Variants in GPATCH2 observed in about 807,000 individuals in gnomAD.
GPATCH2 encodes the protein G-patch domain containing 2.
Under a neutral mutation model 58.0 loss-of-function variants are expected in GPATCH2, and 51 were observed. That is an observed-to-expected ratio of 0.88 (90% CI 0.70 to 1.11). The LOEUF is 1.11. Among genes scored for constraint, GPATCH2 ranks in the 50% most tolerant of loss-of-function variants. GPATCH2 has a pLI of 0.00. For synonymous variants in GPATCH2, 222 were observed against 218.5 expected (o/e 1.02, Z -0.14); for missense variants, 625 against 652.2 (o/e 0.96, Z 0.45).
chr1:217,623,442 G>A (rs1280773023), intron 1 of GPATCH2, among the ~76,000 whole-genome samples: 11 of 151,754 alleles, frequency 7.2e-5, no homozygotes, highest in East Asian at 1.9e-4. Context: ...AACCAATAGA[G>A]TTTAATAAAA....
intron 5 of GPATCH2, among the ~76,000 whole-genome samples, chr1:217,563,374 C>T (rs1176143484): frequency 6.6e-6 from 1 of 152,126 alleles, no homozygotes; most frequent in Non-Finnish European, 1.5e-5. Flanking sequence ...GCTGCCTCCT[C>T]ATGGACTGAG....
intron 9 of GPATCH2, among the ~76,000 whole-genome samples, chr1:217,433,624 C>T (rs1310890514): frequency 1.3e-5 from 2 of 152,018 alleles, no homozygotes; most frequent in East Asian, 1.9e-4. Context: ...TTGAACTCCT[C>T]ACCTCAGGTG....
At chr1:217,624,050 C>T (rs555091450) in intron 1 of GPATCH2, among the ~76,000 whole-genome samples, 1 of 152,168 alleles carries the variant, frequency 6.6e-6, no homozygotes, top group African/African-American at 2.4e-5. Context: ...CCTATAAAAA[C>T]CCAGAAAAAA....
intron 5 of GPATCH2, chr1:217,609,165 TTA>T (rs1668504794): frequency 1.0e-6 from 1 of 972,432 alleles, no homozygotes; most frequent in African/African-American, 1.8e-5. Context: ...GCTGAACTTA[TTA>T]TAGTGTCTAA....
intron 7 of GPATCH2, among the ~76,000 whole-genome samples, chr1:217,492,289 T>G (rs1661781293): frequency 6.6e-6 from 1 of 152,156 alleles, no homozygotes; most frequent in Non-Finnish European, 1.5e-5. Context: ...TTCAAAGAAA[T>G]TATTGGCTTG....
In GPATCH2 at chr1:217,431,373, G is replaced by C; in HGVS notation, c.1367-8C>G. On this transcript the variant is annotated splice_polypyrimidine_tract_variant and splice_region_variant and intron_variant, in intron 9 of 9. Coordinates refer to ENST00000366935, the MANE Select transcript of GPATCH2 (RefSeq NM_018040.5). ...CATTTTCACCTACAAATCCTGAAAT[G>C]ATAAAACAACAGCACACATTAATCA... The C allele has an allele frequency of 6.9e-7, 1 of 1,453,780 alleles. No individual in the cohort carries two copies. Among genetic ancestry groups the C allele is most frequent in the East Asian group, 2.3e-5 (1 of 44,166 alleles). The allele number at this position is 1,453,780 out of a possible 1,614,324, so 90.1% of individuals were successfully genotyped here. A position where few individuals can be genotyped will look rare whatever the true frequency, so the allele number is the denominator to read the frequency against.
chr1:217,627,444 T>C (rs1249497527), intron 1 of GPATCH2, among the ~76,000 whole-genome samples: 1 of 151,396 alleles, frequency 6.6e-6, no homozygotes, highest in Non-Finnish European at 1.5e-5. Flanking sequence ...TCTATGGAGC[T>C]AAAAAAAAAT....
chr1:217,609,940 T>C (rs1433458823), intron 5 of GPATCH2: 3 of 1,245,850 alleles, frequency 2.4e-6, no homozygotes, highest in Non-Finnish European at 3.0e-6. Context: ...CTATCCACCC[T>C]GGGCCAACCT....
chr1:217,563,017 C>T (rs775120753), intron 5 of GPATCH2, among the ~76,000 whole-genome samples: 3 of 152,226 alleles, frequency 2.0e-5, no homozygotes, highest in Admixed American at 6.5e-5. Context: ...TGCTAAGTTG[C>T]TATGGGGTTT....
intron 5 of GPATCH2, among the ~76,000 whole-genome samples, chr1:217,578,041 C>T (rs923607893): frequency 7.0e-6 from 1 of 143,212 alleles, no homozygotes; most frequent in African/African-American, 2.6e-5. Flanking sequence ...GCCACTGCAT[C>T]TGGCCTGGTT....
At chr1:217,504,267 G>T (rs978113442) in intron 6 of GPATCH2, among the ~76,000 whole-genome samples, 2 of 152,152 alleles carry the variant, frequency 1.3e-5, no homozygotes, top group Admixed American at 6.5e-5. Context: ...GTGTCCTAGG[G>T]TTTATAGGAA....
intron 6 of GPATCH2, among the ~76,000 whole-genome samples, chr1:217,508,879 C>A (rs1662697312): frequency 6.6e-6 from 1 of 151,942 alleles, no homozygotes; most frequent in Admixed American, 6.6e-5. Context: ...ATTAAAAAAA[C>A]CTATCATACA....
chr1:217,567,842 C>A (rs749083572), intron 5 of GPATCH2, among the ~76,000 whole-genome samples: 1 of 152,134 alleles, frequency 6.6e-6, no homozygotes, highest in Non-Finnish European at 1.5e-5. Flanking sequence ...TATGGCCAGG[C>A]GTGGTGGCTC....
At chr1:217,561,858 A>G (rs1411165575) in intron 5 of GPATCH2, among the ~76,000 whole-genome samples, 1 of 152,214 alleles carries the variant, frequency 6.6e-6, no homozygotes, top group Non-Finnish European at 1.5e-5. Flanking sequence ...GAACGGACCC[A>G]AAGGATCTCT....
intron 7 of GPATCH2, among the ~76,000 whole-genome samples, chr1:217,495,972 T>C (rs1231304301): frequency 1.3e-5 from 2 of 152,178 alleles, no homozygotes; most frequent in Admixed American, 6.5e-5. Flanking sequence ...AATATTATTG[T>C]TTCTTTGTGT....
intron 5 of GPATCH2, among the ~76,000 whole-genome samples, chr1:217,581,923 C>G (rs1301398973): frequency 1.3e-5 from 2 of 152,070 alleles, no homozygotes; most frequent in Admixed American, 6.6e-5. Flanking sequence ...TGCACTCCAG[C>G]CTGGGTGACA....
At chr1:217,559,235 C>T (rs937510064) in intron 5 of GPATCH2, among the ~76,000 whole-genome samples, 19 of 151,958 alleles carry the variant, frequency 1.3e-4, no homozygotes, top group Admixed American at 8.5e-4. Flanking sequence ...AGAATTCAAA[C>T]CAGATCAGCT....
At chr1:217,626,785 C>T (rs897380143) in intron 1 of GPATCH2, among the ~76,000 whole-genome samples, 1 of 151,578 alleles carries the variant, frequency 6.6e-6, no homozygotes, top group African/African-American at 2.4e-5. Context: ...ATAACCCTAA[C>T]ACTAAATGTC....
At chr1:217,439,340 C>G (rs1406384195) in intron 9 of GPATCH2, among the ~76,000 whole-genome samples, 1 of 152,100 alleles carries the variant, frequency 6.6e-6, no homozygotes, top group African/African-American at 2.4e-5. Context: ...ACACAACGTG[C>G]CAGAATCTCT....
Sources: allele counts gnomAD v4.1 joint callset (sites outside exome capture counted in the v4.1 genomes callset), GRCh38; gene constraint gnomAD v4.1.1; transcripts MANE v1.5; gene names NCBI Gene and HGNC (gene_info 2026-07-23, HGNC 2026-07-21).